The following FHIT variants were observed in gnomAD, a reference collection of about 807,000 sequenced individuals.
FHIT encodes bis(5'-adenosyl)-triphosphatase.
A neutral mutation model predicts 17.9 loss-of-function variants in FHIT; 19 were observed. The ratio of observed to expected loss-of-function variants is 1.06; its 90% CI spans 0.74 to 1.56. The LOEUF is 1.56. FHIT is among the 40% of genes most tolerant of loss of function. FHIT has a pLI of 0.00. For synonymous variants in FHIT, 81 were observed against 69.7 expected, an observed-to-expected ratio of 1.16 and a Z score of -0.81; for missense variants, 248 against 189.2, an observed-to-expected ratio of 1.31 and a Z score of -1.82.
chr3:60,108,411 T>A (rs977565284), intron 5 of FHIT, among the ~76,000 whole-genome samples: 1 of 152,176 alleles, frequency 6.6e-6, no homozygotes. Flanking sequence ...CAGGGGTTCA[T>A]TGTCCAGTTT....
chr3:60,087,077 T>A (rs1371715479), intron 5 of FHIT, among the ~76,000 whole-genome samples: 2 of 152,166 alleles, frequency 1.3e-5, no homozygotes, highest in Non-Finnish European at 2.9e-5. Context: ...AGACGTAACG[T>A]CATGCAAAAA....
intron 5 of FHIT, among the ~76,000 whole-genome samples, chr3:60,270,005 C>T (rs116977852): frequency 5.9e-5 from 9 of 152,230 alleles, no homozygotes; most frequent in East Asian, 1.9e-4. Context: ...AGGCCTCATA[C>T]GACGCCAGAA....
intron 5 of FHIT, among the ~76,000 whole-genome samples, chr3:60,226,929 AAATTT>A (rs1704236315): frequency 6.6e-6 from 1 of 152,170 alleles, no homozygotes; most frequent in African/African-American, 2.4e-5. Context: ...TAAATGAATC[AAATTT>A]AATTTAAAGG....
intron 4 of FHIT, among the ~76,000 whole-genome samples, chr3:60,814,120 C>T (rs572271770): frequency 2.4e-4 from 36 of 152,142 alleles, no homozygotes; most frequent in African/African-American, 8.4e-4. Flanking sequence ...TTTTGTCAAT[C>T]ATTTGAAAGT....
chr3:59,927,353 T>C (rs1016987987), intron 7 of FHIT, among the ~76,000 whole-genome samples: 5 of 151,990 alleles, frequency 3.3e-5, no homozygotes, highest in Admixed American at 6.6e-5. Context: ...TCTGGAATTA[T>C]ATAGCAGTGA....
chr3:60,075,769 A>G (rs1424644293), intron 5 of FHIT, among the ~76,000 whole-genome samples: 3 of 152,070 alleles, frequency 2.0e-5, no homozygotes, highest in South Asian at 4.1e-4. Context: ...CAGAGATACT[A>G]AAGAGAATAG....
At chr3:59,799,420 TG>T (rs5849303) in intron 8 of FHIT, among the ~76,000 whole-genome samples, 91,153 of 151,876 alleles carry the variant, frequency 0.6, 28,228 homozygotes, top group Middle Eastern at 0.71. Context: ...AGGCCTGTGA[TG>T]GGGAAGGCCC....
chr3:60,730,562 T>G (rs2042006299), intron 4 of FHIT: 1 of 161,528 alleles, frequency 6.2e-6, no homozygotes. Flanking sequence ...CTTCAGCATG[T>G]GCGTGGATGC....
At chr3:60,763,779 C>G (rs1197734014) in intron 4 of FHIT, among the ~76,000 whole-genome samples, 1 of 152,220 alleles carries the variant, frequency 6.6e-6, no homozygotes, top group Non-Finnish European at 1.5e-5. Context: ...GCTGCTAGCT[C>G]TCTTGTCAGG....
intron 5 of FHIT, among the ~76,000 whole-genome samples, chr3:60,190,098 C>G (rs774723100): frequency 2.0e-5 from 3 of 152,154 alleles, no homozygotes; most frequent in Non-Finnish European, 2.9e-5. Context: ...ATTAATCATT[C>G]TCAAACATCA....
intron 4 of FHIT, among the ~76,000 whole-genome samples, chr3:60,622,580 T>G (rs2039164951): frequency 6.6e-6 from 1 of 152,196 alleles, no homozygotes; most frequent in African/African-American, 2.4e-5. Flanking sequence ...AATAAGCTAT[T>G]AAGTCATGCA....
chr3:60,332,608 A>G (rs568915379), intron 5 of FHIT, among the ~76,000 whole-genome samples: 59 of 152,270 alleles, frequency 3.9e-4, no homozygotes, highest in African/African-American at 1.3e-3. Context: ...ACCTGTGGGA[A>G]CCTCCAAAAG....
chr3:59,947,387 A>T (rs2107292389), intron 7 of FHIT, among the ~76,000 whole-genome samples: 1 of 152,152 alleles, frequency 6.6e-6, no homozygotes, highest in South Asian at 2.1e-4. Flanking sequence ...AACTTTGTTT[A>T]TTTGAATCTT....
At position 60,167,893 on chromosome 3, in the gene FHIT, G is replaced by A. The variant is rs147963178; in HGVS notation, c.104-153741C>T. On this transcript the variant is annotated intron_variant, in intron 5 of 9. Coordinates refer to ENST00000492590, the MANE Select transcript of FHIT (RefSeq NM_002012.4). Reference sequence around the variant, plus strand: ...AGACAAAAAGCAAAATTAGCCAGGTGTAGTGGTATGCGCCTGTAGTCCCAG... The same window carrying A: ...AGACAAAAAGCAAAATTAGCCAGGTATAGTGGTATGCGCCTGTAGTCCCAG... 1.9e-3 allele frequency among the ~76,000 whole-genome samples: 291 copies of A among 152,238 alleles called. 2 individuals are homozygous for A. Among genetic ancestry groups the A allele is most frequent in the Middle Eastern group, 6.8e-3 (2 of 294 alleles).
At chr3:60,741,549 T>A (rs1283129831) in intron 4 of FHIT, among the ~76,000 whole-genome samples, 2 of 152,264 alleles carry the variant, frequency 1.3e-5, no homozygotes, top group African/African-American at 4.8e-5. Flanking sequence ...CGGACTCAAC[T>A]GATAATACAC....
chr3:60,472,536 T>C (rs2033141735), intron 5 of FHIT, among the ~76,000 whole-genome samples: 1 of 151,940 alleles, frequency 6.6e-6, no homozygotes, highest in Non-Finnish European at 1.5e-5. Flanking sequence ...GCCGGGCTAA[T>C]TTTTTTGTGT....
intron 3 of FHIT, among the ~76,000 whole-genome samples, chr3:61,030,367 G>A (rs11130807): frequency 0.51 from 78,112 of 152,162 alleles, 23,942 homozygotes; most frequent in East Asian, 0.7. Context: ...ATACGTTTGC[G>A]AGATCTGCAG....
At chr3:60,292,872 TC>T (rs11294007) in intron 5 of FHIT, among the ~76,000 whole-genome samples, 152,295 of 152,296 alleles carry the variant, frequency 1, 76,147 homozygotes, top group Middle Eastern at 1. Context: ...TATTATTAAA[TC>T]CCTGATAGTC....
At chr3:60,115,876 A>G (rs1205447172) in intron 5 of FHIT, among the ~76,000 whole-genome samples, 1 of 74,712 alleles carries the variant, frequency 1.3e-5, no homozygotes, top group Non-Finnish European at 3.4e-5. Flanking sequence ...AGACCTATCC[A>G]TATATGCATA....
Sources: gnomAD v4.1 joint callset for allele counts (sites outside exome capture counted in the v4.1 genomes callset) on GRCh38, gnomAD v4.1.1 for gene constraint, MANE v1.5 for transcripts, NCBI Gene and HGNC (gene_info 2026-07-23, HGNC 2026-07-21) for gene names.